IL20RB: variants seen among roughly 807,000 people sequenced by gnomAD.
IL20RB encodes the protein interleukin-20 receptor subunit beta.
In IL20RB, 21 loss-of-function variants were observed where a neutral mutation model predicts 33.3. The ratio of observed to expected loss-of-function variants is 0.63; its 90% CI spans 0.45 to 0.91. The LOEUF (loss-of-function observed/expected upper bound fraction) is 0.91. Among genes scored for constraint, IL20RB ranks in the 40% least tolerant of loss-of-function variants. The probability of loss-of-function intolerance (pLI) is 0.00; values close to 1 mark genes in which losing one functional copy is unlikely to be tolerated. For synonymous variants in IL20RB, 147 were observed against 146.8 expected (o/e 1.00, Z -0.01); for missense variants, 345 against 384.8 (o/e 0.90, Z 0.86).
intron 1 of IL20RB, among the ~76,000 whole-genome samples, chr3:136,976,566 T>G (rs1489041107): frequency 1.3e-5 from 2 of 152,156 alleles, no homozygotes; most frequent in Non-Finnish European, 2.9e-5. Flanking sequence ...CTTGTGCCTG[T>G]TTTCCTCCCA....
intron 6 of IL20RB, among the ~76,000 whole-genome samples, chr3:137,009,799 G>A (rs1260284843): frequency 6.6e-6 from 1 of 152,048 alleles, no homozygotes; most frequent in Non-Finnish European, 1.5e-5. Flanking sequence ...GCCTCCCAAG[G>A]CAGGTGTGAG....
rs1000868102 is a variant in IL20RB at position 137,010,086 on chromosome 3, T to C, written c.826-27T>C. Reference sequence around the variant, plus strand: ...TATTACTACTACTGCTATCCTCTAATGAATATTAATGAAAATTATTTTTCA... The same window carrying C: ...TATTACTACTACTGCTATCCTCTAACGAATATTAATGAAAATTATTTTTCA... On this transcript the variant is annotated intron_variant, in intron 6 of 6. Transcript: ENST00000329582. 4 of 1,020,016 alleles carry C rather than the reference T, an allele frequency of 3.9e-6. No homozygotes were observed. The African/African-American group carries it at 4.7e-5, about 12-fold the overall frequency. 63.2% of individuals were successfully genotyped at this position (1,020,016 alleles called of 1,614,324 possible).
chr3:136,969,776 G>GT (rs1310770662), intron 1 of IL20RB, among the ~76,000 whole-genome samples: 7 of 151,494 alleles, frequency 4.6e-5, no homozygotes, highest in South Asian at 2.1e-4. Flanking sequence ...GTGGTTTGCT[G>GT]TTTTTTTTTC....
At chr3:136,995,259 T>G (rs577546693) in intron 5 of IL20RB, among the ~76,000 whole-genome samples, 155 bp from the exon 6 acceptor site, 6 of 152,340 alleles carry the variant, frequency 3.9e-5, no homozygotes, top group African/African-American at 1.4e-4. Context: ...TGGTGGTAAT[T>G]TTGGTCACTA....
At chr3:136,973,530 A>C (rs1365139939) in intron 1 of IL20RB, among the ~76,000 whole-genome samples, 2 of 152,112 alleles carry the variant, frequency 1.3e-5, no homozygotes, top group African/African-American at 2.4e-5. Context: ...AAGAATATAT[A>C]TTCTGCAGTT....
intron 3 of IL20RB, 110 bp from the exon 4 acceptor site, chr3:136,989,327 CCCTT>C (rs1941983143): frequency 8.1e-7 from 1 of 1,231,600 alleles, no homozygotes; most frequent in Non-Finnish European, 1.2e-6. Flanking sequence ...ACAGCAGACT[CCCTT>C]CCTCTCCTAC....
Position 136,992,005 on chromosome 3 carries a change from C to T in IL20RB, c.599C>T (p.Ala200Val). 6.2e-7 allele frequency: 1 copy of T among 1,614,182 alleles called. No homozygotes were observed. The highest frequency in any genetic ancestry group is 8.5e-7 in the Non-Finnish European group (1 of 1,180,020). Residue 200 changes from alanine to valine, a missense_variant, in exon 5 of 7, where the codon GCA (alanine) becomes GTA (valine). Coordinates refer to ENST00000329582, the MANE Select transcript of IL20RB (RefSeq NM_144717.4). ...CTAGAAACCATGGAGCCAGGGGCTG[C>T]ATACTGTGTGAAGGCCCAGACATTC... is the stretch of plus-strand genomic sequence containing the variant. Reference protein sequence around the residue: ...VHLETMEPGAAYCVKAQTFVK... With the variant: ...VHLETMEPGAVYCVKAQTFVK...
At chr3:136,981,976 G>A in intron 2 of IL20RB, 184 bp from the exon 3 acceptor site, 1 of 411,562 alleles carries the variant, frequency 2.4e-6, no homozygotes, top group Non-Finnish European at 4.4e-6. Flanking sequence ...TCCCTATCTG[G>A]CAATAAAAGG....
chr3:136,999,040 G>C (rs571663414), intron 6 of IL20RB, among the ~76,000 whole-genome samples: 9 of 152,172 alleles, frequency 5.9e-5, no homozygotes, highest in Non-Finnish European at 1.3e-4. Context: ...TGAGCTTCTT[G>C]AATCTGTACA....
chr3:136,958,951 C>G (rs1044829017), intron 1 of IL20RB, among the ~76,000 whole-genome samples: 10 of 150,914 alleles, frequency 6.6e-5, no homozygotes, highest in Admixed American at 1.3e-4. Flanking sequence ...GTCTCACTCT[C>G]TGTGTGTGTG....
At chr3:136,983,495 C>T (rs186091701) in intron 3 of IL20RB, among the ~76,000 whole-genome samples, 4 of 152,246 alleles carry the variant, frequency 2.6e-5, no homozygotes, top group Admixed American at 2.6e-4. Context: ...TTGTAATACT[C>T]CTACTGATCC....
chr3:136,980,226 C>T (rs1432576680), intron 1 of IL20RB: 4 of 523,184 alleles, frequency 7.6e-6, no homozygotes, highest in Non-Finnish European at 1.4e-5. Flanking sequence ...TGGTGGTACC[C>T]AAAATTTAGT....
chr3:136,998,583 T>C (rs2108215537), intron 6 of IL20RB, among the ~76,000 whole-genome samples: 1 of 151,982 alleles, frequency 6.6e-6, no homozygotes, highest in East Asian at 1.9e-4. Flanking sequence ...GAAAATGTCT[T>C]TATTTTGCTT....
Position 136,982,318 on chromosome 3 carries a change from G to A in IL20RB, c.374G>A (p.Ser125Asn). ...ATLGSQTSAW[S>N]ILKHPFNRNS... ...TTGGGCTCACAGACCTCAGCCTGGA[G>A]CATCCTGAAGCATCCCTTTAATAGA... The change falls in exon 3 of 7, where the codon AGC (serine) becomes AAC (asparagine). Residue 125 changes from serine to asparagine, a missense_variant. By Grantham distance (46) the Ser-to-Asn change is conservative (BLOSUM62 1). Coordinates refer to ENST00000329582, the MANE Select transcript of IL20RB (RefSeq NM_144717.4). 1 of 1,599,062 alleles carries A rather than the reference G, an allele frequency of 6.3e-7. No homozygotes were observed. Among genetic ancestry groups the A allele is most frequent in the East Asian group, 2.3e-5 (1 of 44,352 alleles).
intron 1 of IL20RB, among the ~76,000 whole-genome samples, chr3:136,961,691 A>C (rs1412951694): frequency 6.6e-6 from 1 of 152,128 alleles, no homozygotes; most frequent in Non-Finnish European, 1.5e-5. Flanking sequence ...AATTCAAATA[A>C]AGTCTGGAGT....
chr3:136,982,290 A>C lies in IL20RB; in HGVS notation c.346A>C (p.Thr116Pro). 6.2e-7 allele frequency: 1 copy of C among 1,610,452 alleles called. No individual in the cohort carries two copies. The highest frequency in any genetic ancestry group is 1.7e-4 in the Middle Eastern group (1 of 5,878). The change falls in exon 3 of 7, where the codon ACA (threonine) becomes CCA (proline). Residue 116 changes from threonine to proline, a missense_variant. Physicochemically the swap from Thr to Pro is conservative, Grantham distance 38. Transcript: ENST00000329582. ...GCCATACAACCTTCGTGTCAGGGCC[A>C]CATTGGGCTCACAGACCTCAGCCTG... is the stretch of plus-strand genomic sequence containing the variant. ...TVPYNLRVRATLGSQTSAWSI... is the reference protein window; with the variant it reads ...TVPYNLRVRAPLGSQTSAWSI...
In IL20RB at chr3:136,989,673, A is replaced by C; in HGVS notation, c.531+108A>C. On this transcript the variant is annotated intron_variant, in intron 4 of 6. Transcript: ENST00000329582. ...CTGCTCACTGGGTGACCTGGGGATGAGCAGTCCTGGGTGAAGTGTGCAAAA... is the reference window on the plus strand; with the variant it reads ...CTGCTCACTGGGTGACCTGGGGATGCGCAGTCCTGGGTGAAGTGTGCAAAA... 3 of 1,283,404 alleles carry C rather than the reference A, an allele frequency of 2.3e-6. No homozygotes were observed. The South Asian group carries it at 3.8e-5, about 16-fold the overall frequency. 79.5% of individuals were successfully genotyped at this position (1,283,404 alleles called of 1,614,324 possible).
At position 136,995,418 on chromosome 3, in the gene IL20RB, G is replaced by A. The variant is rs1194687891; in HGVS notation, c.687G>A (p.Glu229=). ...GTTTTTATCTTTTGTTTCCAGGAGAGGCCATTCCCCTGGTACTGGCCCTGT... is the reference window on the plus strand; with the variant it reads ...GTTTTTATCTTTTGTTTCCAGGAGAAGCCATTCCCCTGGTACTGGCCCTGT... ...SQTECVEVQG[E]AIPLVLALFA... Residue 229 remains glutamate, a synonymous_variant, in exon 6 of 7, where the codon GAG becomes GAA. Transcript: ENST00000329582. 4 of 1,614,016 alleles carry A rather than the reference G, an allele frequency of 2.5e-6. No individual in the cohort carries two copies. Among genetic ancestry groups the A allele is most frequent in the South Asian group, 1.1e-5 (1 of 91,056 alleles).
intron 1 of IL20RB, among the ~76,000 whole-genome samples, chr3:136,960,617 C>T (rs1337400481): frequency 1.3e-5 from 2 of 152,230 alleles, no homozygotes; most frequent in East Asian, 3.8e-4. Context: ...CTTGACTTCT[C>T]ACATGAATCC....
Sources: gnomAD v4.1 joint callset for allele counts (sites outside exome capture counted in the v4.1 genomes callset) on GRCh38, gnomAD v4.1.1 for gene constraint, MANE v1.5 for transcripts, NCBI Gene and HGNC (gene_info 2026-07-23, HGNC 2026-07-21) for gene names.